Variants in PIK3CB observed in about 807,000 individuals in gnomAD.
PIK3CB encodes the protein phosphatidylinositol 4,5-bisphosphate 3-kinase catalytic subunit beta isoform.
In PIK3CB, 39 loss-of-function variants were observed where a neutral mutation model predicts 136.8. The ratio of observed to expected loss-of-function variants is 0.29; its 90% CI spans 0.22 to 0.37. PIK3CB has a LOEUF of 0.37. PIK3CB is among the 10% of genes least tolerant of loss of function. The pLI, the probability that PIK3CB is intolerant of heterozygous loss-of-function variation, is 1.00. For missense variants in PIK3CB, 868 were observed against 1,275.4 expected, an observed-to-expected ratio of 0.68 and a Z score of 4.87; for synonymous variants, 428 against 436.6, an observed-to-expected ratio of 0.98 and a Z score of 0.25.
At chr3:138,739,227 T>C (rs557045510) in intron 5 of PIK3CB, among the ~76,000 whole-genome samples, 1 of 151,778 alleles carries the variant, frequency 6.6e-6, no homozygotes, top group South Asian at 2.1e-4. Flanking sequence ...GGGCAGATAA[T>C]GAGGTCAGGA....
intron 2 of PIK3CB, among the ~76,000 whole-genome samples, chr3:138,784,823 G>A (rs555729962): frequency 1.3e-5 from 2 of 152,354 alleles, no homozygotes; most frequent in Admixed American, 6.5e-5. Flanking sequence ...CCAAAGTGCT[G>A]AGATTGCAGC....
At position 138,655,160 on chromosome 3, in the gene PIK3CB, A is replaced by G. The variant is rs531672249; in HGVS notation, c.*229T>C. On this transcript the variant is annotated 3_prime_UTR_variant, in exon 24 of 24. Transcript: ENST00000674063. ...CGTGCAAAGTCAGCAGGAAATGATT[A>G]TCCATTGACAGTTTTCATGATAAGT... 2.1e-6 allele frequency: 1 copy of G among 487,224 alleles called. No individual in the cohort carries two copies. The highest frequency in any genetic ancestry group is 3.2e-5 in the East Asian group (1 of 30,846). The allele number at this position is 487,224 out of a possible 1,614,324, so 30.2% of individuals were successfully genotyped here. A position where few individuals can be genotyped will look rare whatever the true frequency, so the allele number is the denominator to read the frequency against.
chr3:138,681,591 C>T (rs2043783666), intron 19 of PIK3CB, among the ~76,000 whole-genome samples: 1 of 152,118 alleles, frequency 6.6e-6, no homozygotes, highest in African/African-American at 2.4e-5. Flanking sequence ...TCTCTTTTCC[C>T]TTGGTAGGTA....
intron 2 of PIK3CB, among the ~76,000 whole-genome samples, chr3:138,779,117 GCT>G (rs2045893827): frequency 7.4e-6 from 1 of 136,052 alleles, no homozygotes; most frequent in Admixed American, 8.1e-5. Flanking sequence ...ACGGAGTCTC[GCT>G]CTGTCGCCCA....
intron 2 of PIK3CB, among the ~76,000 whole-genome samples, chr3:138,767,890 C>T (rs1334263194): frequency 1.3e-5 from 2 of 152,198 alleles, no homozygotes; most frequent in African/African-American, 4.8e-5. Flanking sequence ...GTCTGGGCTC[C>T]CCAAAGGGCT....
Position 138,742,779 on chromosome 3 carries a change from G to C in PIK3CB, c.400C>G (p.Leu134Val), listed in dbSNP as rs1450143044. ...TCCTTCAAGGAATCAAATTCATGCA[G>C]ACCTAAACACATTTTTTAAAGGTGT... Reference protein sequence around the residue: ...SKIGVLIGKGLHEFDSLKDPE... With the variant: ...SKIGVLIGKGVHEFDSLKDPE... The change falls in exon 5 of 24, where the codon CTG becomes GTG. Residue 134 changes from leucine (L) to valine (V), a missense_variant and splice_region_variant. Coordinates refer to ENST00000674063, the MANE Select transcript of PIK3CB (RefSeq NM_006219.3). 1.3e-6 allele frequency: 2 copies of C among 1,562,536 alleles called. No individual in the cohort carries two copies. The highest frequency in any genetic ancestry group is 2.3e-5 in the South Asian group (2 of 87,074).
chr3:138,715,689 T>C (rs2044592176), intron 8 of PIK3CB, among the ~76,000 whole-genome samples: 1 of 151,928 alleles, frequency 6.6e-6, no homozygotes, highest in Admixed American at 6.6e-5. Context: ...ATTCAAACAG[T>C]AATATAAAAT....
chr3:138,757,324 A>C (rs1279450804), intron 3 of PIK3CB, among the ~76,000 whole-genome samples: 2 of 152,050 alleles, frequency 1.3e-5, no homozygotes, highest in Non-Finnish European at 2.9e-5. Context: ...GAATCACTTG[A>C]ACCCAGGAGG....
At chr3:138,666,224 C>T (rs2043406978) in intron 19 of PIK3CB, among the ~76,000 whole-genome samples, 1 of 152,028 alleles carries the variant, frequency 6.6e-6, no homozygotes, top group Non-Finnish European at 1.5e-5. Context: ...AGGCTGAGTG[C>T]AGTGACACGA....
chr3:138,819,518 T>A (rs1016995026), intron 1 of PIK3CB, among the ~76,000 whole-genome samples: 4 of 152,224 alleles, frequency 2.6e-5, no homozygotes, highest in Non-Finnish European at 5.9e-5. Flanking sequence ...CATTTTTATA[T>A]TTTGTTTATG....
At chr3:138,767,006 T>C (rs1185903787) in intron 2 of PIK3CB, among the ~76,000 whole-genome samples, 2 of 152,046 alleles carry the variant, frequency 1.3e-5, no homozygotes, top group Non-Finnish European at 2.9e-5. Flanking sequence ...TCCCCTTTTT[T>C]TTTTGAGACA....
chr3:138,798,622 G>A (rs1029827496), intron 1 of PIK3CB, among the ~76,000 whole-genome samples: 17 of 152,094 alleles, frequency 1.1e-4, no homozygotes, highest in African/African-American at 3.9e-4. Flanking sequence ...CTTTCCACTT[G>A]TTTTTGTATT....
intron 8 of PIK3CB, among the ~76,000 whole-genome samples, chr3:138,728,063 C>T (rs1291805683): frequency 2.0e-5 from 3 of 152,210 alleles, no homozygotes; most frequent in South Asian, 2.1e-4. Context: ...CCACCCGCCT[C>T]GGCCTCCCAA....
At chr3:138,815,980 T>G (rs902058170) in intron 1 of PIK3CB, among the ~76,000 whole-genome samples, 2 of 152,192 alleles carry the variant, frequency 1.3e-5, no homozygotes, top group Non-Finnish European at 2.9e-5. Context: ...GTGATAATCT[T>G]TTTACATATT....
intron 9 of PIK3CB, among the ~76,000 whole-genome samples, chr3:138,714,146 GTAAA>G (rs1403060401): frequency 6.6e-6 from 1 of 152,096 alleles, no homozygotes; most frequent in Non-Finnish European, 1.5e-5. Context: ...CTGCAGAACT[GTAAA>G]TTTTTCAAAC....
intron 1 of PIK3CB, among the ~76,000 whole-genome samples, chr3:138,797,754 A>C (rs1170689091): frequency 6.6e-6 from 1 of 151,964 alleles, no homozygotes; most frequent in Admixed American, 6.6e-5. Flanking sequence ...AACTCTCTGT[A>C]CTCCTGCTCA....
At chr3:138,715,216 G>T (rs777890203) in intron 8 of PIK3CB, among the ~76,000 whole-genome samples, 1 of 152,172 alleles carries the variant, frequency 6.6e-6, no homozygotes, top group Admixed American at 6.6e-5. Context: ...GCTAACAAAA[G>T]ATATTCCATC....
At chr3:138,741,505 G>A (rs974214869) in intron 5 of PIK3CB, among the ~76,000 whole-genome samples, 5 of 152,140 alleles carry the variant, frequency 3.3e-5, no homozygotes, top group Non-Finnish European at 7.3e-5. Flanking sequence ...CATTGCTATG[G>A]TTATTCACAG....
At chr3:138,821,063 G>C (rs1353180432) in intron 1 of PIK3CB, among the ~76,000 whole-genome samples, 3 of 151,840 alleles carry the variant, frequency 2.0e-5, no homozygotes, top group Non-Finnish European at 4.4e-5. Flanking sequence ...GAGGCGGGCA[G>C]ATCACGAGGT....
Sources: allele counts gnomAD v4.1 joint callset (sites outside exome capture counted in the v4.1 genomes callset), GRCh38; gene constraint gnomAD v4.1.1; transcripts MANE v1.5; gene names NCBI Gene and HGNC (gene_info 2026-07-23, HGNC 2026-07-21).